The following ZBTB41 variants were observed in gnomAD, a reference collection of about 807,000 sequenced individuals.
ZBTB41 encodes zinc finger and BTB domain-containing protein 41.
A neutral mutation model predicts 87.6 loss-of-function variants in ZBTB41; 42 were observed. That is an observed-to-expected ratio of 0.48 (90% CI 0.37 to 0.62). The LOEUF (loss-of-function observed/expected upper bound fraction) is 0.62, where lower values mean the gene tolerates loss of function less well. Ranked by LOEUF, ZBTB41 falls within the 20% of genes least tolerant of loss-of-function variation. The pLI is 0.00. For missense variants in ZBTB41, 799 were observed against 1,078.9 expected (o/e 0.74, Z 3.63); for synonymous variants, 364 against 364.0 (o/e 1.00, Z 0.00).
At chr1:197,174,635 A>G (rs569579761) in intron 9 of ZBTB41, among the ~76,000 whole-genome samples, 2 of 152,216 alleles carry the variant, frequency 1.3e-5, no homozygotes, top group African/African-American at 2.4e-5. Context: ...AAATAAAATA[A>G]TATTTTAAAT....
At chr1:197,174,850 T>C (rs923219003) in intron 9 of ZBTB41, among the ~76,000 whole-genome samples, 160 bp downstream of exon 9, 19 of 152,054 alleles carry the variant, frequency 1.2e-4, no homozygotes, top group Non-Finnish European at 1.8e-4. Flanking sequence ...GGAAAATATA[T>C]GCTTGCTGAA....
At chr1:197,169,476 C>T (rs1659427115) in intron 10 of ZBTB41, among the ~76,000 whole-genome samples, 2 of 152,000 alleles carry the variant, frequency 1.3e-5, no homozygotes, top group Admixed American at 1.3e-4. Flanking sequence ...CATGATTTCA[C>T]TTATATGAAG....
At chr1:197,178,118 C>T (rs1659656543) in intron 7 of ZBTB41, among the ~76,000 whole-genome samples, 1 of 151,808 alleles carries the variant, frequency 6.6e-6, no homozygotes, top group Non-Finnish European at 1.5e-5. Flanking sequence ...TGGAGAAATA[C>T]ACTAAGTTTA....
At chr1:197,165,405 C>A (rs931677767) in intron 10 of ZBTB41, among the ~76,000 whole-genome samples, 3 of 151,656 alleles carry the variant, frequency 2.0e-5, no homozygotes, top group Non-Finnish European at 4.4e-5. Flanking sequence ...GTCAGGAGAT[C>A]GAGACCATCC....
rs1455938760 is a variant in ZBTB41 at position 197,154,975 on chromosome 1, T to A, written c.*4384A>T. 6.6e-6 allele frequency: 1 copy of A among 152,454 alleles called. No homozygotes were observed. The highest frequency in any genetic ancestry group is 1.5e-5 in the Non-Finnish European group (1 of 67,896). The allele number at this position is 152,454 out of a possible 1,614,324, so 9.4% of individuals were successfully genotyped here. A position where few individuals can be genotyped will look rare whatever the true frequency, so the allele number is the denominator to read the frequency against. ...GTTGATCAACTCATTATATATTGGT[T>A]GGGATGTTGCTGCTCCTAATGAGAA... On this transcript the variant is annotated 3_prime_UTR_variant, in exon 11 of 11. Transcript: ENST00000367405.
intron 10 of ZBTB41, among the ~76,000 whole-genome samples, chr1:197,168,812 G>GA (rs1279262492): frequency 2.6e-5 from 4 of 152,132 alleles, no homozygotes; most frequent in Non-Finnish European, 5.9e-5. Context: ...AGAGTGAAAA[G>GA]GTAAGTCATA....
chr1:197,200,646 A>G, intron 1 of ZBTB41, 56 bp from the exon 2 acceptor site: 1 of 492,632 alleles, frequency 2.0e-6, no homozygotes, highest in Non-Finnish European at 3.5e-6. Context: ...ATGCTAAATC[A>G]GCCAACGGCA....
rs144546855 is a variant in ZBTB41 at position 197,158,661 on chromosome 1, C to T, written c.*698G>A. ...AATTTAATGCCCAGACCTATGTTTG[C>T]CTTTCTTATTCATAACAATTGAAGT... On this transcript the variant is annotated 3_prime_UTR_variant, in exon 11 of 11. Coordinates refer to ENST00000367405, the MANE Select transcript of ZBTB41 (RefSeq NM_194314.3). 84 of 152,126 alleles carry T rather than the reference C, an allele frequency of 5.5e-4. No individual in the cohort carries two copies. The highest frequency in any genetic ancestry group is 2.0e-3 in the African/African-American group (83 of 41,550). The allele number at this position is 152,126 out of a possible 1,614,324, so 9.4% of individuals were successfully genotyped here.
chr1:197,159,071 C>A lies in ZBTB41; in HGVS notation c.*288G>T. The A allele has an allele frequency of 2.8e-5, 8 of 289,888 alleles. No homozygotes were observed. The highest frequency in any genetic ancestry group is 1.6e-4 in the South Asian group (3 of 18,386). 18.0% of individuals were successfully genotyped at this position (289,888 alleles called of 1,614,324 possible). On this transcript the variant is annotated 3_prime_UTR_variant, in exon 11 of 11. Coordinates refer to ENST00000367405, the MANE Select transcript of ZBTB41 (RefSeq NM_194314.3). ...CACTGATGATTAAAAAAAATACTTC[C>A]ATAATATCAGCAGCTAATAATTGCA...
At chr1:197,177,508 C>A (rs1659638321) in intron 7 of ZBTB41, among the ~76,000 whole-genome samples, 1 of 152,078 alleles carries the variant, frequency 6.6e-6, no homozygotes. Flanking sequence ...CTGTCCTATT[C>A]TGGATAATTG....
chr1:197,199,338 A>G lies in ZBTB41; in HGVS notation c.1120+16T>C, dbSNP rs1660240571. On this transcript the variant is annotated intron_variant, in intron 2 of 10. Coordinates refer to ENST00000367405, the MANE Select transcript of ZBTB41 (RefSeq NM_194314.3). The stretch of plus-strand genomic sequence containing the variant: ...AGTAAGTGATTAGAGATAGAAAACC[A>G]GTTTTCTTTTCTTACCTATTCGGTC... 2.0e-6 allele frequency: 3 copies of G among 1,472,436 alleles called. No homozygotes were observed. Among genetic ancestry groups the G allele is most frequent in the African/African-American group, 2.9e-5 (2 of 69,822 alleles). The allele number at this position is 1,472,436 out of a possible 1,614,324, so 91.2% of individuals were successfully genotyped here.
chr1:197,191,949 T>C (rs568176368), intron 2 of ZBTB41, 50 bp from the exon 3 acceptor site: 21 of 1,434,836 alleles, frequency 1.5e-5, no homozygotes, highest in Non-Finnish European at 2.0e-5. Flanking sequence ...TGCTATACTG[T>C]GATTGGAATT....
intron 2 of ZBTB41, among the ~76,000 whole-genome samples, chr1:197,198,609 C>A (rs1296474553): frequency 1.3e-5 from 2 of 152,018 alleles, no homozygotes; most frequent in Non-Finnish European, 2.9e-5. Flanking sequence ...CAGACACTTC[C>A]AAGAATTATC....
chr1:197,174,883 C>G (rs1659564622), intron 9 of ZBTB41, 127 bp downstream of exon 9: 1 of 613,480 alleles, frequency 1.6e-6, no homozygotes, highest in East Asian at 3.0e-5. Context: ...TATAGAGATG[C>G]TACAGAATGT....
Position 197,157,021 on chromosome 1 carries a change from C to T in ZBTB41, c.*2338G>A, listed in dbSNP as rs1053758318. 2 of 152,042 alleles carry T rather than the reference C, an allele frequency of 1.3e-5. No homozygotes were observed. Among genetic ancestry groups the T allele is most frequent in the African/African-American group, 4.8e-5 (2 of 41,362 alleles). 9.4% of individuals were successfully genotyped at this position (152,042 alleles called of 1,614,324 possible). On this transcript the variant is annotated 3_prime_UTR_variant, in exon 11 of 11. Transcript: ENST00000367405. ...TGGTTATGAGGTTCAAATGAGATAA[C>T]ATATATGAAAGCATTTTATAAAACA...
intron 10 of ZBTB41, among the ~76,000 whole-genome samples, chr1:197,171,492 T>A (rs1330258717): frequency 6.6e-6 from 1 of 152,024 alleles, no homozygotes; most frequent in African/African-American, 2.4e-5. Context: ...GGCTTGTTTC[T>A]TAAGGAAAAC....
rs568716222 is a variant in ZBTB41, at chr1:197,197,748, A to G, written c.1120+1606T>C. Among the ~76,000 whole-genome samples the G allele has an allele frequency of 1.3e-4, 20 of 152,330 alleles. No homozygotes were observed. The East Asian group carries it at 3.9e-3, about 29-fold the overall frequency. On this transcript the variant is annotated intron_variant, in intron 2 of 10. Coordinates refer to ENST00000367405, the MANE Select transcript of ZBTB41 (RefSeq NM_194314.3). ...TATCTTGCGGTAAAATGATTTAAGGAAATACTGGGTTAAGCAAAATCAACA... is the reference window on the plus strand; with the variant it reads ...TATCTTGCGGTAAAATGATTTAAGGGAATACTGGGTTAAGCAAAATCAACA...
chr1:197,166,374 AG>A (rs1179589247), intron 10 of ZBTB41, among the ~76,000 whole-genome samples: 1 of 152,194 alleles, frequency 6.6e-6, no homozygotes, highest in Non-Finnish European at 1.5e-5. Flanking sequence ...AATGACAAAA[AG>A]GTTATCACTA....
intron 2 of ZBTB41, 56 bp from the exon 3 acceptor site, chr1:197,191,955 G>A: frequency 7.2e-7 from 1 of 1,384,040 alleles, no homozygotes; most frequent in South Asian, 1.5e-5. Flanking sequence ...ACTGTGATTG[G>A]AATTTGAGAG....
Sources: gnomAD v4.1 joint callset for allele counts (sites outside exome capture counted in the v4.1 genomes callset) on GRCh38, gnomAD v4.1.1 for gene constraint, MANE v1.5 for transcripts, NCBI Gene and HGNC (gene_info 2026-07-23, HGNC 2026-07-21) for gene names.